Variants in ROBO2 observed in about 807,000 individuals in gnomAD.
ROBO2 encodes the protein roundabout homolog 2.
Under a neutral mutation model 160.8 loss-of-function variants are expected in ROBO2, and 53 were observed. The observed-to-expected ratio is 0.33, with a 90% confidence interval of 0.26 to 0.41. The LOEUF (loss-of-function observed/expected upper bound fraction) is 0.41, where lower values mean the gene tolerates loss of function less well. Ranked by LOEUF, ROBO2 falls within the 10% of genes least tolerant of loss-of-function variation. The pLI, the probability that ROBO2 is intolerant of heterozygous loss-of-function variation, is 1.00. For synonymous variants in ROBO2, 664 were observed against 611.7 expected, an observed-to-expected ratio of 1.09 and a Z score of -1.26; for missense variants, 1,577 against 1,722.4, an observed-to-expected ratio of 0.92 and a Z score of 1.49.
intron 2 of ROBO2, among the ~76,000 whole-genome samples, chr3:76,414,864 T>C (rs1289130023): frequency 1.3e-5 from 2 of 151,940 alleles, no homozygotes. Flanking sequence ...AGGGAAGTGA[T>C]TGACACACAA....
At chr3:76,437,007 T>C (rs923524465) in intron 2 of ROBO2, among the ~76,000 whole-genome samples, 3 of 152,198 alleles carry the variant, frequency 2.0e-5, no homozygotes, top group Non-Finnish European at 2.9e-5. Flanking sequence ...CATTTAAATA[T>C]TTAACAGCTG....
intron 5 of ROBO2, among the ~76,000 whole-genome samples, chr3:77,498,971 G>A (rs896957058): frequency 2.6e-5 from 4 of 152,234 alleles, no homozygotes; most frequent in African/African-American, 9.6e-5. Flanking sequence ...AAATGGACTG[G>A]TTCCTAAAAG....
chr3:77,318,850 T>A (rs940952628), intron 2 of ROBO2, among the ~76,000 whole-genome samples: 2 of 152,212 alleles, frequency 1.3e-5, no homozygotes, highest in African/African-American at 4.8e-5. Context: ...AAATTTTATA[T>A]AAATCGATGT....
intron 2 of ROBO2, among the ~76,000 whole-genome samples, chr3:76,212,863 T>TCTCTCTCA (rs1703236167): frequency 6.6e-6 from 1 of 151,018 alleles, no homozygotes; most frequent in African/African-American, 2.4e-5. Context: ...TCTCTCTCTC[T>TCTCTCTCA]CAGTTTGACT....
At chr3:76,538,006 C>T (rs1013907820) in intron 2 of ROBO2, among the ~76,000 whole-genome samples, 15 of 151,990 alleles carry the variant, frequency 9.9e-5, no homozygotes, top group African/African-American at 3.6e-4. Flanking sequence ...GAGGGTCAAT[C>T]GGTGAAGGCA....
intron 2 of ROBO2, among the ~76,000 whole-genome samples, chr3:77,360,635 TA>T (rs2153466654): frequency 6.6e-6 from 1 of 152,052 alleles, no homozygotes; most frequent in African/African-American, 2.4e-5. Context: ...TTTTTTTTTT[TA>T]ACAAAACTGT....
At chr3:77,297,789 CAAAG>C (rs1403115772) in intron 2 of ROBO2, among the ~76,000 whole-genome samples, 2 of 152,028 alleles carry the variant, frequency 1.3e-5, no homozygotes, top group South Asian at 4.2e-4. Context: ...AATTGACAAA[CAAAG>C]GAAGTAAAGG....
intron 2 of ROBO2, among the ~76,000 whole-genome samples, chr3:76,791,357 G>T (rs1268218487): frequency 6.6e-6 from 1 of 151,698 alleles, no homozygotes; most frequent in Non-Finnish European, 1.5e-5. Flanking sequence ...CTCTCATGTT[G>T]TGCCAAAGGT....
chr3:75,977,029 T>A (rs2065150985), intron 2 of ROBO2, among the ~76,000 whole-genome samples: 2 of 151,680 alleles, frequency 1.3e-5, no homozygotes, highest in South Asian at 4.1e-4. Context: ...CCCTTCTTTA[T>A]AATGTGTTGT....
At chr3:77,621,435 TTAAATAAA>T (rs10695873) in intron 22 of ROBO2, among the ~76,000 whole-genome samples, 2 of 150,298 alleles carry the variant, frequency 1.3e-5, no homozygotes, top group Non-Finnish European at 3.0e-5. Flanking sequence ...CTCCAAAAAA[TTAAATAAA>T]TAAATAAATA....
intron 2 of ROBO2, among the ~76,000 whole-genome samples, chr3:77,291,048 A>G (rs796785382): frequency 2.0e-3 from 212 of 105,646 alleles, no homozygotes; most frequent in Middle Eastern, 8.1e-3. Context: ...TGGTTAAACG[A>G]GTAAGCTGAG....
intron 2 of ROBO2, among the ~76,000 whole-genome samples, chr3:77,194,461 C>A (rs2082141294): frequency 1.3e-5 from 2 of 152,102 alleles, no homozygotes; most frequent in Middle Eastern, 3.2e-3. Flanking sequence ...ACATTAAAAT[C>A]TTCTGATTAC....
intron 2 of ROBO2, among the ~76,000 whole-genome samples, chr3:76,093,532 T>C (rs1433345964): frequency 6.7e-6 from 1 of 148,592 alleles, no homozygotes; most frequent in Non-Finnish European, 1.5e-5. Flanking sequence ...GCACAATATA[T>C]TCTCATATAT....
At chr3:76,419,080 T>A (rs2075879502) in intron 2 of ROBO2, among the ~76,000 whole-genome samples, 1 of 152,166 alleles carries the variant, frequency 6.6e-6, no homozygotes, top group South Asian at 2.1e-4. Context: ...CAACCCCATG[T>A]ATTTTGTTTT....
chr3:77,151,920 T>G (rs2077576207), intron 2 of ROBO2, among the ~76,000 whole-genome samples: 1 of 152,154 alleles, frequency 6.6e-6, no homozygotes, highest in African/African-American at 2.4e-5. Flanking sequence ...ATTCTATCCT[T>G]TAGATTTTTT....
chr3:76,108,949 G>A (rs973861881), intron 2 of ROBO2, among the ~76,000 whole-genome samples: 1 of 150,262 alleles, frequency 6.7e-6, no homozygotes, highest in African/African-American at 2.5e-5. Flanking sequence ...GTTATATAAG[G>A]TTATATGATA....
chr3:75,951,253 A>T lies in ROBO2; in HGVS notation c.109+13651A>T, dbSNP rs180839411. Among the ~76,000 whole-genome samples the T allele has an allele frequency of 7.2e-5, 11 of 152,160 alleles. No homozygotes were observed. In the East Asian group the frequency reaches 2.1e-3, roughly 30 times the overall value. On this transcript the variant is annotated intron_variant, in intron 2 of 26. Coordinates refer to the ROBO2 transcript ENST00000487694. Reference sequence around the variant, plus strand: ...ATGATGTTCAGTGAAGACTTATTGTAGTCCTTTTTTGGCATAACAAAAATG... The same window carrying T: ...ATGATGTTCAGTGAAGACTTATTGTTGTCCTTTTTTGGCATAACAAAAATG...
intron 2 of ROBO2, among the ~76,000 whole-genome samples, chr3:76,195,544 G>T (rs533824504): frequency 6.6e-6 from 1 of 152,142 alleles, no homozygotes; most frequent in Non-Finnish European, 1.5e-5. Flanking sequence ...TTTGTGCCCA[G>T]TTAAACCAGT....
intron 2 of ROBO2, among the ~76,000 whole-genome samples, chr3:76,152,658 A>G (rs2106858310): frequency 6.6e-6 from 1 of 152,202 alleles, no homozygotes; most frequent in Admixed American, 6.5e-5. Flanking sequence ...CCCCCAGTGA[A>G]TTCTTACAAA....
Sources: allele counts gnomAD v4.1 joint callset (sites outside exome capture counted in the v4.1 genomes callset), GRCh38; gene constraint gnomAD v4.1.1; transcripts MANE v1.5; gene names NCBI Gene and HGNC (gene_info 2026-07-23, HGNC 2026-07-21).